The following PLEKHG7 variants were observed in gnomAD, a reference collection of about 807,000 sequenced individuals.
PLEKHG7 encodes the protein pleckstrin homology and RhoGEF domain containing G7.
PLEKHG7 carries 77 observed loss-of-function variants against 85.2 expected under a neutral mutation model. The ratio of observed to expected loss-of-function variants is 0.90; its 90% CI spans 0.75 to 1.09. The LOEUF is 1.09. Ranked by LOEUF, PLEKHG7 falls within the 50% of genes least tolerant of loss-of-function variation. PLEKHG7 has a pLI of 0.00. For missense variants in PLEKHG7, 777 were observed against 804.3 expected (o/e 0.97, Z 0.41); for synonymous variants, 301 against 302.4 (o/e 1.00, Z 0.05).
At chr12:92,714,973 C>A (rs112036503) in intron 3 of PLEKHG7, among the ~76,000 whole-genome samples, 2,550 of 152,032 alleles carry the variant, frequency 0.017, 72 homozygotes, top group African/African-American at 0.057. Flanking sequence ...CTCCTTGTAC[C>A]AAAATCTGTA....
chr12:92,740,967 T>C lies in PLEKHG7; in HGVS notation c.1035+19T>C. On this transcript the variant is annotated intron_variant, in intron 8 of 16. Transcript: ENST00000344636. ...AACTCAGGTGAGCCAAGTAGGAAGA[T>C]TCATGTTTTAACATTCACTAGAGGA... 6.5e-7 allele frequency: 1 copy of C among 1,547,308 alleles called. No individual in the cohort carries two copies.
intron 10 of PLEKHG7, among the ~76,000 whole-genome samples, chr12:92,751,666 G>A (rs186367442): frequency 1.9e-3 from 284 of 148,536 alleles, no homozygotes; most frequent in African/African-American, 6.4e-3. Context: ...GAGCCACCAC[G>A]CCCGGCCAAG....
chr12:92,756,390 A>G lies in PLEKHG7; in HGVS notation c.1635A>G (p.Ala545=). The change falls in exon 13 of 17, where the codon GCA becomes GCG. Residue 545 remains alanine, a splice_region_variant and synonymous_variant. Coordinates refer to ENST00000344636, the MANE Select transcript of PLEKHG7 (RefSeq NM_001377329.1). ...HLLYEGKLTL[A]ESTRFLDVYL... ...TCTATGAAGGAAAATTAACTCTTGC[A>G]GGTAAATAACTGCTTCCTTTAAAAA... 6.2e-7 allele frequency: 1 copy of G among 1,606,512 alleles called. No individual in the cohort carries two copies. Among genetic ancestry groups the G allele is most frequent in the Non-Finnish European group, 8.5e-7 (1 of 1,173,188 alleles).
intron 3 of PLEKHG7, among the ~76,000 whole-genome samples, chr12:92,717,256 G>A (rs1181973775): frequency 6.6e-6 from 1 of 152,184 alleles, no homozygotes; most frequent in Admixed American, 6.5e-5. Flanking sequence ...ACACTAACAT[G>A]AAAGCCAACT....
chr12:92,769,984 A>G, intron 16 of PLEKHG7, 104 bp from the exon 17 acceptor site: 1 of 696,426 alleles, frequency 1.4e-6, no homozygotes, highest in Non-Finnish European at 2.4e-6. Context: ...AGTTTTAAAG[A>G]GCTGGTCAAT....
At chr12:92,720,316 T>C (rs945414266) in intron 3 of PLEKHG7, among the ~76,000 whole-genome samples, 2 of 139,694 alleles carry the variant, frequency 1.4e-5, no homozygotes, top group Admixed American at 1.6e-4. Flanking sequence ...GTCTCTTCTC[T>C]TAGTGTCTTT....
intron 13 of PLEKHG7, among the ~76,000 whole-genome samples, chr12:92,760,374 C>T (rs986733491): frequency 2.0e-5 from 3 of 151,786 alleles, no homozygotes; most frequent in Non-Finnish European, 4.4e-5. Context: ...GAATAAAATA[C>T]CAGATTTCTC....
At chr12:92,762,895 G>T (rs1873078994) in intron 14 of PLEKHG7, among the ~76,000 whole-genome samples, 1 of 152,112 alleles carries the variant, frequency 6.6e-6, no homozygotes, top group Non-Finnish European at 1.5e-5. Flanking sequence ...TAGCTAATCG[G>T]TGGTTGGGGA....
intron 9 of PLEKHG7, among the ~76,000 whole-genome samples, chr12:92,743,721 A>G (rs1872435221): frequency 6.6e-6 from 1 of 152,014 alleles, no homozygotes; most frequent in Non-Finnish European, 1.5e-5. Context: ...CACCATGCCC[A>G]ACTAATTTTT....
At chr12:92,722,302 C>A (rs560346628) in intron 3 of PLEKHG7, among the ~76,000 whole-genome samples, 1 of 152,110 alleles carries the variant, frequency 6.6e-6, no homozygotes, top group African/African-American at 2.4e-5. Flanking sequence ...GCACATTTTC[C>A]GCACCAATCC....
chr12:92,744,181 C>T (rs1217697071), intron 9 of PLEKHG7, among the ~76,000 whole-genome samples: 5 of 152,172 alleles, frequency 3.3e-5, no homozygotes, highest in Non-Finnish European at 7.3e-5. Context: ...TCTCTACTCA[C>T]GAGTAAGTGT....
Position 92,770,158 on chromosome 12 carries a change from C to T in PLEKHG7, c.2039C>T (p.Ser680Phe). The T allele has an allele frequency of 6.2e-7, 1 of 1,607,202 alleles. No homozygotes were observed. The highest frequency in any genetic ancestry group is 8.5e-7 in the Non-Finnish European group (1 of 1,176,966). ...AAGAGTCAGGAAACCAAGAAAATATCTTTATTCACATTGCCCGCAGAATCC... is the reference window on the plus strand; with the variant it reads ...AAGAGTCAGGAAACCAAGAAAATATTTTTATTCACATTGCCCGCAGAATCC... The part of the protein sequence containing the change: ...FTKSQETKKI[S>F]LFTLPAESSE... Residue 680 changes from serine to phenylalanine, a missense_variant, in exon 17 of 17, where the codon TCT becomes TTT. Around this residue, in one of 3 missense-constraint regions of PLEKHG7, gnomAD observed 520 missense variants for 544.0 expected, o/e 0.96. Transcript: ENST00000344636.
chr12:92,742,599 T>TC (rs1206155521), intron 9 of PLEKHG7, among the ~76,000 whole-genome samples: 5 of 151,292 alleles, frequency 3.3e-5, no homozygotes, highest in Non-Finnish European at 7.4e-5. Flanking sequence ...TAGTTTTTTT[T>TC]TTTTTTTAGA....
intron 15 of PLEKHG7, among the ~76,000 whole-genome samples, chr12:92,766,139 A>T (rs966058915): frequency 2.0e-5 from 3 of 152,196 alleles, no homozygotes; most frequent in Non-Finnish European, 4.4e-5. Context: ...TGCCCAAGGG[A>T]TGGCAGAGGA....
chr12:92,726,414 A>T (rs1274113505), intron 3 of PLEKHG7, among the ~76,000 whole-genome samples: 2 of 152,220 alleles, frequency 1.3e-5, no homozygotes, highest in Non-Finnish European at 2.9e-5. Context: ...AAATCAAGAC[A>T]AATTTCTTTC....
chr12:92,739,171 CAGAG>C (rs377357073), intron 7 of PLEKHG7, among the ~76,000 whole-genome samples: 1 of 151,674 alleles, frequency 6.6e-6, no homozygotes, highest in East Asian at 1.9e-4. Flanking sequence ...AGCTAATGGC[CAGAG>C]AGAGAGAGAG....
At chr12:92,721,702 C>CAAAAAAAAAAAAA (rs71069170) in intron 3 of PLEKHG7, among the ~76,000 whole-genome samples, 12 of 43,364 alleles carry the variant, frequency 2.8e-4, no homozygotes, top group Non-Finnish European at 4.4e-4. Flanking sequence ...AGCATAAAAC[C>CAAAAAAAAAAAAA]AAAAAAAAAA....
chr12:92,753,370 A>T (rs1362260115), intron 10 of PLEKHG7, among the ~76,000 whole-genome samples: 2 of 152,172 alleles, frequency 1.3e-5, no homozygotes, highest in Non-Finnish European at 2.9e-5. Context: ...CAAGCGTAAA[A>T]GCTATTCTCA....
chr12:92,709,927 A>G, intron 3 of PLEKHG7, among the ~76,000 whole-genome samples: 1 of 152,154 alleles, frequency 6.6e-6, no homozygotes, highest in Non-Finnish European at 1.5e-5. Flanking sequence ...GTGGGCACCT[A>G]TAACTCCCTT....
Sources: gnomAD v4.1 joint callset for allele counts (sites outside exome capture counted in the v4.1 genomes callset) on GRCh38, gnomAD v4.1.1 for gene constraint, gnomAD v4.1.1 regional missense constraint, MANE v1.5 for transcripts, NCBI Gene and HGNC (gene_info 2026-07-23, HGNC 2026-07-21) for gene names.